The following CLASP2 variants were observed in gnomAD, a reference collection of about 807,000 sequenced individuals.
CLASP2 encodes the protein cytoplasmic linker associated protein 2, also known as CLIP-associating protein 2.
Under a neutral mutation model 194.4 loss-of-function variants are expected in CLASP2, and 47 were observed. The ratio of observed to expected loss-of-function variants is 0.24; its 90% CI spans 0.19 to 0.31. CLASP2 has a LOEUF of 0.31. Ranked by LOEUF, CLASP2 falls within the 10% of genes least tolerant of loss-of-function variation. The probability of loss-of-function intolerance (pLI) is 1.00; values close to 1 mark genes in which losing one functional copy is unlikely to be tolerated. For missense variants in CLASP2, 1,445 were observed against 1,823.6 expected (o/e 0.79, Z 3.78); for synonymous variants, 619 against 633.5 (o/e 0.98, Z 0.34).
intron 32 of CLASP2, among the ~76,000 whole-genome samples, chr3:33,541,603 T>C (rs1019763511): frequency 2.0e-5 from 3 of 152,198 alleles, no homozygotes; most frequent in Non-Finnish European, 2.9e-5. Flanking sequence ...GTTGTTGTTC[T>C]TGTGTTAGTC....
chr3:33,594,975 A>T lies in CLASP2; in HGVS notation c.1949-7T>A, dbSNP rs1168230304. The T allele has an allele frequency of 4.9e-6, 7 of 1,432,360 alleles. No homozygotes were observed. Among genetic ancestry groups the T allele is most frequent in the Non-Finnish European group, 6.5e-6 (7 of 1,071,498 alleles). 88.7% of individuals were successfully genotyped at this position (1,432,360 alleles called of 1,614,324 possible). A position where few individuals can be genotyped will look rare whatever the true frequency, so the allele number is the denominator to read the frequency against. ...CCATCTTCAGATGCTGTTCCTAAATAAGAAAAATAAAACAACATTTCAACA... is the reference window on the plus strand; with the variant it reads ...CCATCTTCAGATGCTGTTCCTAAATTAGAAAAATAAAACAACATTTCAACA... On this transcript the variant is annotated splice_region_variant and splice_polypyrimidine_tract_variant and intron_variant, in intron 19 of 38. Transcript: ENST00000682230.
chr3:33,588,674 A>G (rs1302124012), intron 21 of CLASP2: 5 of 701,572 alleles, frequency 7.1e-6, no homozygotes, highest in Non-Finnish European at 1.3e-5. Flanking sequence ...ATCAAACAAC[A>G]GATGCACACA....
chr3:33,586,497 T>G (rs995188872), intron 21 of CLASP2, among the ~76,000 whole-genome samples: 7 of 152,106 alleles, frequency 4.6e-5, no homozygotes, highest in Admixed American at 1.3e-4. Flanking sequence ...CAGGTAGAGT[T>G]AGTAAAATCT....
intron 9 of CLASP2, among the ~76,000 whole-genome samples, chr3:33,628,166 G>A (rs1361405555): frequency 1.3e-5 from 2 of 152,158 alleles, no homozygotes; most frequent in Non-Finnish European, 2.9e-5. Flanking sequence ...AAGAGCAAGA[G>A]AGAAAGAAAG....
At chr3:33,700,322 G>A (rs2092285787) in intron 1 of CLASP2, among the ~76,000 whole-genome samples, 1 of 152,000 alleles carries the variant, frequency 6.6e-6, no homozygotes, top group African/African-American at 2.4e-5. Context: ...AGCTACTCAG[G>A]AGGCTGAGGC....
At chr3:33,605,261 T>C (rs139808522) in intron 16 of CLASP2, among the ~76,000 whole-genome samples, 8 of 152,302 alleles carry the variant, frequency 5.3e-5, no homozygotes, top group Non-Finnish European at 1.5e-5. Flanking sequence ...GTGATTTGTA[T>C]ATACTTTAAA....
In CLASP2 at chr3:33,506,231, G is replaced by A. The variant is rs992663254; in HGVS notation, c.4317+4327C>T. ...CTACTAAAAACTACAAAAATTAGCC[G>A]GGCACGGTGGCAGGCACCTGTCGTC... On this transcript the variant is annotated intron_variant, in intron 37 of 38. Transcript: ENST00000682230. Among the ~76,000 whole-genome samples, 45 of 151,510 alleles carry A rather than the reference G, an allele frequency of 3.0e-4. No homozygotes were observed. The Middle Eastern group carries it at 0.014, about 46-fold the overall frequency.
chr3:33,550,779 C>A (rs1226729325), intron 30 of CLASP2, among the ~76,000 whole-genome samples: 8 of 152,122 alleles, frequency 5.3e-5, no homozygotes, highest in African/African-American at 1.9e-4. Flanking sequence ...AAATGTAAAT[C>A]TTTTCTACTG....
chr3:33,680,739 AG>A (rs910134357), intron 6 of CLASP2, among the ~76,000 whole-genome samples: 4 of 152,028 alleles, frequency 2.6e-5, no homozygotes, highest in African/African-American at 9.7e-5. Flanking sequence ...TGGGGCCAAG[AG>A]GTTGAGGCTG....
intron 27 of CLASP2, among the ~76,000 whole-genome samples, chr3:33,563,684 ACAGG>A (rs1402568267): frequency 6.6e-6 from 1 of 152,202 alleles, no homozygotes; most frequent in East Asian, 1.9e-4. Flanking sequence ...ATTCACAAAA[ACAGG>A]CAGCAGGGAA....
Position 33,644,780 on chromosome 3 carries a change from G to A in CLASP2, c.839C>T (p.Ser280Leu). Residue 280 changes from serine (S) to leucine (L), a missense_variant, in exon 8 of 39, where the codon TCA (serine) becomes TTA (leucine). This residue lies in a region of CLASP2 where 207 missense variants were observed against 331.4 expected (regional missense o/e 0.62). Transcript: ENST00000682230. ...NPANSARKPG[S>L]AGGPKVGGAS... ...ACCTCCAACCTTAGGGCCACCTGCT[G>A]AACCAGGCTTCCTTGCACTGTTGGC... 6.2e-7 allele frequency: 1 copy of A among 1,613,390 alleles called. No homozygotes were observed. Among genetic ancestry groups the A allele is most frequent in the Non-Finnish European group, 8.5e-7 (1 of 1,179,666 alleles).
At chr3:33,644,569 G>A (rs1402427453) in intron 8 of CLASP2, 188 bp downstream of exon 8, 1 of 652,692 alleles carries the variant, frequency 1.5e-6, no homozygotes, top group Non-Finnish European at 2.7e-6. Flanking sequence ...ATTCTTAGAG[G>A]AAATAGCAGT....
At chr3:33,543,629 A>T (rs1203577227) in intron 31 of CLASP2, 90 bp from the exon 32 acceptor site, 2 of 769,494 alleles carry the variant, frequency 2.6e-6, no homozygotes, top group African/African-American at 3.5e-5. Context: ...ATTAGGTTGA[A>T]CCATATTAAA....
At chr3:33,532,463 C>T (rs2056534426) in intron 34 of CLASP2, among the ~76,000 whole-genome samples, 1 of 151,990 alleles carries the variant, frequency 6.6e-6, no homozygotes, top group African/African-American at 2.4e-5. Context: ...GATGGATGTG[C>T]AACAGTATGA....
chr3:33,689,824 C>G lies in CLASP2; in HGVS notation c.378+5G>C. ...CAAAATCTGAATTTTAAAATGTAGGCTTACCATAGGTGGTGCTACTTGATC... is the reference window on the plus strand; with the variant it reads ...CAAAATCTGAATTTTAAAATGTAGGGTTACCATAGGTGGTGCTACTTGATC... On this transcript the variant is annotated splice_donor_5th_base_variant and intron_variant, in intron 3 of 38. Coordinates refer to ENST00000682230, the MANE Select transcript of CLASP2 (RefSeq NM_001365631.1). The G allele has an allele frequency of 6.4e-7, 1 of 1,551,466 alleles. No individual in the cohort carries two copies. The highest frequency in any genetic ancestry group is 8.7e-7 in the Non-Finnish European group (1 of 1,152,278).
At chr3:33,560,246 T>TG (rs1353472896) in intron 28 of CLASP2, among the ~76,000 whole-genome samples, 1 of 151,898 alleles carries the variant, frequency 6.6e-6, no homozygotes, top group Non-Finnish European at 1.5e-5. Context: ...CTTCTTTTTT[T>TG]TTTTTCTTTT....
chr3:33,529,415 T>G (rs12490203), intron 34 of CLASP2, among the ~76,000 whole-genome samples: 55,556 of 151,976 alleles, frequency 0.37, 10,945 homozygotes, highest in Admixed American at 0.51. Flanking sequence ...TTGCCTGATT[T>G]CAGACTATAC....
chr3:33,689,713 T>C (rs989314399), intron 3 of CLASP2, 116 bp downstream of exon 3: 3 of 631,672 alleles, frequency 4.7e-6, no homozygotes, highest in East Asian at 3.1e-5. Flanking sequence ...TATCAACTTC[T>C]TAACAGTATT....
intron 12 of CLASP2, among the ~76,000 whole-genome samples, chr3:33,616,448 G>C (rs1399429291): frequency 2.6e-5 from 4 of 152,046 alleles, no homozygotes; most frequent in African/African-American, 9.6e-5. Context: ...ACCGAATCTA[G>C]CAGTATCTTA....
Sources: allele counts gnomAD v4.1 joint callset (sites outside exome capture counted in the v4.1 genomes callset), GRCh38; gene constraint gnomAD v4.1.1; regional missense constraint gnomAD v4.1.1; transcripts MANE v1.5; gene names NCBI Gene and HGNC (gene_info 2026-07-23, HGNC 2026-07-21).